The following ATP8A1 variants were observed in gnomAD, a reference collection of about 807,000 sequenced individuals.
The protein encoded by ATP8A1 is phospholipid-transporting ATPase IA.
A neutral mutation model predicts 177.7 loss-of-function variants in ATP8A1; 90 were observed. The ratio of observed to expected loss-of-function variants is 0.51; its 90% CI spans 0.43 to 0.60. The LOEUF (loss-of-function observed/expected upper bound fraction) is 0.60, where lower values mean the gene tolerates loss of function less well. Ranked by LOEUF, ATP8A1 falls within the 20% of genes least tolerant of loss-of-function variation. The pLI is 0.00. For synonymous variants in ATP8A1, 493 were observed against 485.9 expected, an observed-to-expected ratio of 1.01 and a Z score of -0.19; for missense variants, 1,072 against 1,392.8, an observed-to-expected ratio of 0.77 and a Z score of 3.67.
rs778022629 is a variant in ATP8A1 at position 42,448,396 on chromosome 4, C to CTTTACTT, written c.2897-1753_2897-1752insAAGTAAA. ...GTAGCCTCCCTCCCTCCTTCTCTTT[C>CTTTACTT]TTTTCTTTTTTTTTTTTTTGAGATG... On this transcript the variant is annotated intron_variant, in intron 30 of 36. Transcript: ENST00000381668. 3.3e-4 allele frequency among the ~76,000 whole-genome samples: 28 copies of CTTTACTT among 84,162 alleles called. 3 individuals carry two copies. The highest frequency in any genetic ancestry group is 5.2e-4 in the Admixed American group (3 of 5,734). The allele number at this position is 84,162 out of a possible 152,430, so 55.2% of individuals were successfully genotyped here. A position where few individuals can be genotyped will look rare whatever the true frequency, so the allele number is the denominator to read the frequency against.
intron 20 of ATP8A1, among the ~76,000 whole-genome samples, chr4:42,539,518 A>G (rs1486363455): frequency 1.3e-5 from 2 of 152,136 alleles, no homozygotes; most frequent in Admixed American, 1.3e-4. Flanking sequence ...CAAAAAGGAC[A>G]AAGCTGGGGG....
intron 16 of ATP8A1, among the ~76,000 whole-genome samples, 176 bp downstream of exon 16, chr4:42,555,792 C>G (rs1260346780): frequency 1.3e-5 from 2 of 151,930 alleles, no homozygotes; most frequent in Admixed American, 6.6e-5. Context: ...CCATTGCACT[C>G]CAGCCCCAGC....
chr4:42,601,422 G>T (rs1262576156), intron 5 of ATP8A1, among the ~76,000 whole-genome samples: 1 of 151,510 alleles, frequency 6.6e-6, no homozygotes, highest in African/African-American at 2.4e-5. Context: ...ATGATGGGGG[G>T]TAGGTATTTC....
chr4:42,534,916 T>C (rs1364322887), intron 20 of ATP8A1, among the ~76,000 whole-genome samples: 1 of 152,090 alleles, frequency 6.6e-6, no homozygotes, highest in Non-Finnish European at 1.5e-5. Flanking sequence ...CTAAGCTTCA[T>C]AAATGAAGGA....
At chr4:42,634,607 G>A (rs1739087256) in intron 1 of ATP8A1, among the ~76,000 whole-genome samples, 1 of 152,104 alleles carries the variant, frequency 6.6e-6, no homozygotes, top group African/African-American at 2.4e-5. Flanking sequence ...GACTGTTTAG[G>A]TCTACCAGTT....
chr4:42,560,444 C>T (rs540074991), intron 15 of ATP8A1, among the ~76,000 whole-genome samples: 1 of 152,158 alleles, frequency 6.6e-6, no homozygotes, highest in Admixed American at 6.5e-5. Context: ...TATCTATACA[C>T]TAAATGCACA....
chr4:42,432,937 T>C (rs1325393223), intron 33 of ATP8A1, among the ~76,000 whole-genome samples: 2 of 152,248 alleles, frequency 1.3e-5, no homozygotes. Flanking sequence ...ATTATCTTCA[T>C]GACTTCCTAG....
intron 1 of ATP8A1, among the ~76,000 whole-genome samples, chr4:42,631,138 G>C (rs1738686022): frequency 6.6e-6 from 1 of 152,118 alleles, no homozygotes; most frequent in African/African-American, 2.4e-5. Flanking sequence ...GAATGTTTTG[G>C]GGTGGTAATT....
At chr4:42,508,413 C>T (rs1472441739) in intron 22 of ATP8A1, among the ~76,000 whole-genome samples, 2 of 152,166 alleles carry the variant, frequency 1.3e-5, no homozygotes, top group East Asian at 1.9e-4. Flanking sequence ...GCATGAGTCA[C>T]CACACCCAGC....
At chr4:42,605,720 G>A (rs1440165076) in intron 5 of ATP8A1, among the ~76,000 whole-genome samples, 1 of 152,010 alleles carries the variant, frequency 6.6e-6, no homozygotes. Flanking sequence ...TTCTCCAACC[G>A]ACCTTTTGCG....
intron 29 of ATP8A1, among the ~76,000 whole-genome samples, chr4:42,453,422 T>C (rs1283339452): frequency 3.3e-5 from 5 of 152,164 alleles, no homozygotes; most frequent in Non-Finnish European, 7.4e-5. Flanking sequence ...ATAAAAACTA[T>C]AAACACTCAA....
chr4:42,588,157 G>A (rs754837154), intron 8 of ATP8A1, 103 bp downstream of exon 8: 2 of 876,370 alleles, frequency 2.3e-6, no homozygotes, highest in Non-Finnish European at 3.5e-6. Flanking sequence ...GAACATATTT[G>A]CAATAGGACA....
At chr4:42,611,180 T>C (rs1487344815) in intron 5 of ATP8A1, among the ~76,000 whole-genome samples, 2 of 152,198 alleles carry the variant, frequency 1.3e-5, no homozygotes, top group African/African-American at 2.4e-5. Context: ...GGAAGTAGTC[T>C]TGTTAGTGGC....
At chr4:42,577,920 G>T (rs181806896) in intron 12 of ATP8A1, among the ~76,000 whole-genome samples, 17 of 152,242 alleles carry the variant, frequency 1.1e-4, no homozygotes, top group African/African-American at 4.1e-4. Context: ...TTGTGTTCAA[G>T]AAAATAAGTT....
At chr4:42,607,592 T>C (rs542857050) in intron 5 of ATP8A1, among the ~76,000 whole-genome samples, 29 of 151,826 alleles carry the variant, frequency 1.9e-4, no homozygotes, top group African/African-American at 6.0e-4. Flanking sequence ...TTTAGGGTTG[T>C]TGAGCCAAAA....
intron 5 of ATP8A1, among the ~76,000 whole-genome samples, chr4:42,605,211 G>A (rs1434794960): frequency 6.6e-6 from 1 of 152,060 alleles, no homozygotes; most frequent in African/African-American, 2.4e-5. Context: ...AGAAAAAGAT[G>A]CCAATGAACT....
chr4:42,545,421 A>G (rs909628993), intron 19 of ATP8A1, among the ~76,000 whole-genome samples: 1 of 152,148 alleles, frequency 6.6e-6, no homozygotes, highest in African/African-American at 2.4e-5. Flanking sequence ...TGGGTGAATG[A>G]GAACTCTCTT....
intron 24 of ATP8A1, among the ~76,000 whole-genome samples, chr4:42,501,400 A>G (rs549086734): frequency 6.6e-6 from 1 of 152,310 alleles, no homozygotes; most frequent in East Asian, 1.9e-4. Context: ...GCTGATTTTA[A>G]TTTGCTGACG....
At chr4:42,586,520 T>C in intron 8 of ATP8A1, 44 bp from the exon 9 acceptor site, 1 of 1,587,794 alleles carries the variant, frequency 6.3e-7, no homozygotes, top group South Asian at 1.1e-5. Flanking sequence ...TTAAATAAGT[T>C]GTATCTGGGC....
Sources: gnomAD v4.1 joint callset for allele counts (sites outside exome capture counted in the v4.1 genomes callset) on GRCh38, gnomAD v4.1.1 for gene constraint, MANE v1.5 for transcripts, NCBI Gene and HGNC (gene_info 2026-07-23, HGNC 2026-07-21) for gene names.